Variants in THSD7B observed in about 807,000 individuals in gnomAD.
THSD7B encodes thrombospondin type 1 domain containing 7B, also known as thrombospondin type-1 domain-containing protein 7B.
A neutral mutation model predicts 213.6 loss-of-function variants in THSD7B; 138 were observed. That is an observed-to-expected ratio of 0.65 (90% CI 0.56 to 0.74). THSD7B has a LOEUF of 0.74. Ranked by LOEUF, THSD7B falls within the 30% of genes least tolerant of loss-of-function variation. The pLI is 0.00. For missense variants in THSD7B, 1,931 were observed against 1,991.5 expected (o/e 0.97, Z 0.58); for synonymous variants, 742 against 687.0 (o/e 1.08, Z -1.25).
At chr2:137,468,241 T>A (rs1489003771) in intron 15 of THSD7B, among the ~76,000 whole-genome samples, 2 of 152,044 alleles carry the variant, frequency 1.3e-5, no homozygotes, top group Admixed American at 1.3e-4. Context: ...AAAATTGTCA[T>A]TTAAGGAGAT....
intron 15 of THSD7B, among the ~76,000 whole-genome samples, chr2:137,501,734 A>G (rs541219652): frequency 4.6e-5 from 7 of 152,228 alleles, no homozygotes; most frequent in Non-Finnish European, 1.0e-4. Flanking sequence ...TTTCCTCAAG[A>G]AAATTGCCTA....
chr2:137,663,584 C>G lies in THSD7B; in HGVS notation c.4651+9C>G. 3 of 1,591,990 alleles carry G rather than the reference C, an allele frequency of 1.9e-6. No individual in the cohort carries two copies. Among genetic ancestry groups the G allele is most frequent in the Non-Finnish European group, 2.6e-6 (3 of 1,169,314 alleles). On this transcript the variant is annotated intron_variant, in intron 26 of 27. Transcript: ENST00000409968. ...TCAACCACTTGATCCAGGTGAGTTT[C>G]AGTTGTGAGTAAGAAATGAAAATTT...
At chr2:137,672,568 C>T (rs1004296807) in intron 27 of THSD7B, among the ~76,000 whole-genome samples, 3 of 152,108 alleles carry the variant, frequency 2.0e-5, no homozygotes, top group Non-Finnish European at 4.4e-5. Context: ...ACATATGAGC[C>T]GCCAAAGAAA....
chr2:137,171,811 TTC>T (rs1488467662), intron 7 of THSD7B, among the ~76,000 whole-genome samples: 1 of 152,086 alleles, frequency 6.6e-6, no homozygotes, highest in Non-Finnish European at 1.5e-5. Context: ...ATTCCTTTTT[TTC>T]TCTCTCCCTC....
chr2:137,616,107 C>A, intron 17 of THSD7B, 68 bp from the exon 18 acceptor site: 2 of 1,536,804 alleles, frequency 1.3e-6, no homozygotes, highest in Non-Finnish European at 1.8e-6. Flanking sequence ...CTACTTATAC[C>A]TGTATATCTT....
At chr2:137,397,178 T>C (rs2104989445) in intron 12 of THSD7B, among the ~76,000 whole-genome samples, 1 of 152,008 alleles carries the variant, frequency 6.6e-6, no homozygotes, top group Non-Finnish European at 1.5e-5. Flanking sequence ...AAAGTTAATA[T>C]TGTTATGTGT....
chr2:137,504,208 C>T (rs1189879241), intron 15 of THSD7B, among the ~76,000 whole-genome samples: 2 of 151,916 alleles, frequency 1.3e-5, no homozygotes, highest in East Asian at 3.9e-4. Context: ...TGATGGTTTA[C>T]AATATGTATT....
At chr2:137,071,188 A>ACAGAAGAG in intron 3 of THSD7B, among the ~76,000 whole-genome samples, 1 of 152,284 alleles carries the variant, frequency 6.6e-6, no homozygotes, top group South Asian at 2.1e-4. Flanking sequence ...AACAGTGTAA[A>ACAGAAGAG]AGTATTCCTG....
intron 5 of THSD7B, among the ~76,000 whole-genome samples, chr2:137,129,867 C>A (rs1688697369): frequency 6.6e-6 from 1 of 152,088 alleles, no homozygotes; most frequent in African/African-American, 2.4e-5. Context: ...ATGAAATAGT[C>A]CTAATTCTAA....
chr2:136,886,968 AG>A (rs1683729635), intron 2 of THSD7B, among the ~76,000 whole-genome samples: 4 of 152,200 alleles, frequency 2.6e-5, no homozygotes, highest in Admixed American at 2.6e-4. Flanking sequence ...TTAAATATGT[AG>A]TCCTAGAAAT....
chr2:136,937,127 C>T (rs1044918301), intron 2 of THSD7B, among the ~76,000 whole-genome samples: 2 of 152,070 alleles, frequency 1.3e-5, no homozygotes, highest in Admixed American at 6.6e-5. Context: ...CTCCTGCACC[C>T]CCAGCCACAG....
intron 12 of THSD7B, among the ~76,000 whole-genome samples, chr2:137,290,578 G>C (rs78729447): frequency 0.014 from 2,066 of 152,070 alleles, 54 homozygotes; most frequent in African/African-American, 0.048. Context: ...TGTCTCCCCA[G>C]GTCATCCCAG....
intron 7 of THSD7B, among the ~76,000 whole-genome samples, chr2:137,221,012 C>T (rs182383757): frequency 6.6e-6 from 1 of 152,062 alleles, no homozygotes; most frequent in Non-Finnish European, 1.5e-5. Flanking sequence ...CCTTCTCAGT[C>T]GTTCCGAAAA....
intron 12 of THSD7B, among the ~76,000 whole-genome samples, chr2:137,320,028 G>T (rs1410859241): frequency 6.6e-6 from 1 of 152,072 alleles, no homozygotes; most frequent in Non-Finnish European, 1.5e-5. Flanking sequence ...AATACAGAAA[G>T]GTCCTAAGGG....
chr2:137,136,169 G>A (rs527602052), intron 5 of THSD7B, among the ~76,000 whole-genome samples: 163 of 152,258 alleles, frequency 1.1e-3, no homozygotes, highest in African/African-American at 3.8e-3. Flanking sequence ...GGCAAGGGGA[G>A]GGATAGCATT....
intron 15 of THSD7B, among the ~76,000 whole-genome samples, chr2:137,521,425 T>C (rs1680182359): frequency 6.6e-6 from 1 of 151,970 alleles, no homozygotes; most frequent in Non-Finnish European, 1.5e-5. Context: ...TAAATTGTAA[T>C]AAGTCATGTG....
chr2:137,466,387 G>C (rs184937642), intron 15 of THSD7B, among the ~76,000 whole-genome samples: 1 of 152,290 alleles, frequency 6.6e-6, no homozygotes, highest in East Asian at 1.9e-4. Context: ...TAATGCTCTG[G>C]ATCAAGCTTG....
In THSD7B at chr2:136,818,097, C is replaced by T. The variant is rs527263213; in HGVS notation, c.-36+52410C>T. ...ATGCTGCTATAAAGACACATGCACACGTATGTTTATTGCGGCATTATTCAC... is the reference window on the plus strand; with the variant it reads ...ATGCTGCTATAAAGACACATGCACATGTATGTTTATTGCGGCATTATTCAC... On this transcript the variant is annotated intron_variant, in intron 1 of 27. Transcript: ENST00000409968. Among the ~76,000 whole-genome samples, 17 of 147,760 alleles carry T rather than the reference C, an allele frequency of 1.2e-4. No individual in the cohort carries two copies. The East Asian group carries it at 1.6e-3, about 14-fold the overall frequency.
chr2:137,302,732 C>T (rs995064350), intron 12 of THSD7B, among the ~76,000 whole-genome samples: 8 of 151,902 alleles, frequency 5.3e-5, no homozygotes, highest in Admixed American at 2.6e-4. Flanking sequence ...AAGAGAGAAA[C>T]TCATGAGGGA....
Sources: gnomAD v4.1 joint callset for allele counts (sites outside exome capture counted in the v4.1 genomes callset) on GRCh38, gnomAD v4.1.1 for gene constraint, MANE v1.5 for transcripts, NCBI Gene and HGNC (gene_info 2026-07-23, HGNC 2026-07-21) for gene names.